SCN9A: variants seen among roughly 807,000 people sequenced by gnomAD.
SCN9A encodes sodium channel protein type 9 subunit alpha.
SCN9A carries 131 observed loss-of-function variants against 187.0 expected under a neutral mutation model. The observed-to-expected ratio is 0.70, with a 90% CI of 0.61 to 0.81. The LOEUF is 0.81. SCN9A is among the 30% of genes least tolerant of loss of function. The pLI is 0.00. For synonymous variants in SCN9A, 809 were observed against 808.6 expected (o/e 1.00, Z -0.01); for missense variants, 2,252 against 2,396.6 (o/e 0.94, Z 1.26).
intron 1 of SCN9A, among the ~76,000 whole-genome samples, chr2:166,315,362 A>C (rs1315197057): frequency 6.6e-6 from 1 of 152,116 alleles, no homozygotes; most frequent in Non-Finnish European, 1.5e-5. Flanking sequence ...CAATATTCCT[A>C]TTCTCCTCTG....
At chr2:166,262,445 T>C (rs1010514336) in intron 17 of SCN9A, among the ~76,000 whole-genome samples, 1 of 151,934 alleles carries the variant, frequency 6.6e-6, no homozygotes, top group African/African-American at 2.4e-5. Flanking sequence ...TCACACATTA[T>C]TACCAAGGTA....
At chr2:166,364,820 G>A (rs2105320859) in intron 1 of SCN9A, among the ~76,000 whole-genome samples, 1 of 152,162 alleles carries the variant, frequency 6.6e-6, no homozygotes. Context: ...GGTTAAAATG[G>A]TAAATTTTGT....
chr2:166,213,459 C>CAAG (rs1553476059), intron 24 of SCN9A, among the ~76,000 whole-genome samples: 5 of 140,958 alleles, frequency 3.5e-5, no homozygotes, highest in Non-Finnish European at 4.6e-5. Flanking sequence ...CAAATTGAAC[C>CAAG]AATAATAATA....
At chr2:166,201,087 A>G (rs1693488636) in intron 26 of SCN9A, among the ~76,000 whole-genome samples, 2 of 151,820 alleles carry the variant, frequency 1.3e-5, no homozygotes. Flanking sequence ...ACTGAAATGA[A>G]TATCTAAATA....
chr2:166,326,150 G>A (rs574218497), intron 1 of SCN9A, among the ~76,000 whole-genome samples: 1 of 152,042 alleles, frequency 6.6e-6, no homozygotes, highest in East Asian at 1.9e-4. Flanking sequence ...CCTGGCCTCC[G>A]ATTGAATAAG....
At chr2:166,358,329 C>T (rs1231815744) in intron 1 of SCN9A, among the ~76,000 whole-genome samples, 4 of 151,924 alleles carry the variant, frequency 2.6e-5, no homozygotes, top group African/African-American at 9.7e-5. Flanking sequence ...CTCAGCTTCC[C>T]AAAGTGCTGG....
intron 2 of SCN9A, 33 bp from the exon 3 acceptor site, chr2:166,307,107 A>G (rs771662229): frequency 8.1e-7 from 1 of 1,239,686 alleles, no homozygotes; most frequent in Non-Finnish European, 1.2e-6. Flanking sequence ...TGAAATTGAG[A>G]ATCCAAAATA....
intron 7 of SCN9A, among the ~76,000 whole-genome samples, chr2:166,299,136 C>G (rs913427336): frequency 3.9e-5 from 6 of 152,210 alleles, no homozygotes; most frequent in South Asian, 4.1e-4. Flanking sequence ...TTCTCCCTCT[C>G]TCTCCTGAAT....
At chr2:166,276,848 T>C in intron 16 of SCN9A, 135 bp downstream of exon 16, 2 of 710,886 alleles carry the variant, frequency 2.8e-6, no homozygotes, top group Non-Finnish European at 4.0e-6. Flanking sequence ...CTTTCTTGTA[T>C]TAAAATTATC....
Position 166,226,706 on chromosome 2 carries a change from T to A in SCN9A, c.4261-2A>T. The stretch of plus-strand genomic sequence containing the variant: ...TTCATATTTGGGCTGCTTGTCTACC[T>A]ATAAAATTTACAAAAGTTAGCATTA... On this transcript the variant is annotated splice_acceptor_variant, in intron 23 of 26. Coordinates refer to ENST00000642356, the MANE Select transcript of SCN9A (RefSeq NM_001365536.1). LOFTEE classifies it high-confidence loss of function. The A allele has an allele frequency of 6.4e-7, 1 of 1,552,338 alleles. No homozygotes were observed. The highest frequency in any genetic ancestry group is 8.7e-7 in the Non-Finnish European group (1 of 1,153,410).
intron 1 of SCN9A, among the ~76,000 whole-genome samples, chr2:166,323,867 T>A (rs187760599): frequency 8.5e-4 from 130 of 152,062 alleles, no homozygotes; most frequent in African/African-American, 2.9e-3. Context: ...TTAAACAGTA[T>A]GTTTCCTTTG....
At chr2:166,349,250 TA>T (rs1699976496) in intron 1 of SCN9A, among the ~76,000 whole-genome samples, 1 of 152,150 alleles carries the variant, frequency 6.6e-6, no homozygotes, top group Non-Finnish European at 1.5e-5. Flanking sequence ...CCCAATGGGG[TA>T]CATAGAAGGT....
chr2:166,270,762 GATATAT>G (rs60551465), intron 17 of SCN9A, among the ~76,000 whole-genome samples: 12,152 of 143,704 alleles, frequency 0.085, 565 homozygotes, highest in African/African-American at 0.13. Context: ...GCATTTTACT[GATATAT>G]ATATATATAT....
intron 1 of SCN9A, among the ~76,000 whole-genome samples, chr2:166,350,220 C>T (rs1027205548): frequency 1.3e-5 from 2 of 152,064 alleles, no homozygotes; most frequent in African/African-American, 4.8e-5. Context: ...GATAATTTAC[C>T]AGTAATTCAA....
At chr2:166,272,343 C>T (rs1456433652) in intron 17 of SCN9A, 56 bp downstream of exon 17, 6 of 1,094,092 alleles carry the variant, frequency 5.5e-6, no homozygotes, top group Non-Finnish European at 6.4e-6. Context: ...ATGAAATTTT[C>T]ATTCATTTCA....
rs1369311916 is a variant in SCN9A, at chr2:166,306,736, C to T, written c.378-137G>A. 35 of 716,208 alleles carry T rather than the reference C, an allele frequency of 4.9e-5. No individual in the cohort carries two copies. In the Admixed American group the frequency reaches 8.3e-4, roughly 17 times the overall value. 44.4% of individuals were successfully genotyped at this position (716,208 alleles called of 1,614,324 possible). A position where few individuals can be genotyped will look rare whatever the true frequency, so the allele number is the denominator to read the frequency against. On this transcript the variant is annotated intron_variant, in intron 3 of 26. Coordinates refer to ENST00000642356, the MANE Select transcript of SCN9A (RefSeq NM_001365536.1). The stretch of plus-strand genomic sequence containing the variant: ...TTGTAGACTATTTTGTCTCTTTGAA[C>T]AAGAGAGTAATAAATAAAAGTAACA...
At chr2:166,236,829 T>A (rs1259932543) in intron 20 of SCN9A, among the ~76,000 whole-genome samples, 1 of 152,222 alleles carries the variant, frequency 6.6e-6, no homozygotes, top group Non-Finnish European at 1.5e-5. Flanking sequence ...CTATGTATGA[T>A]CATGCTTACT....
Position 166,360,230 on chromosome 2 carries a change from AAAAAAG to A in SCN9A, c.-51+15461_-51+15466del, listed in dbSNP as rs1220179185. On this transcript the variant is annotated intron_variant, in intron 1 of 26. Coordinates refer to ENST00000642356, the MANE Select transcript of SCN9A (RefSeq NM_001365536.1). ...GCGAAACTCTGTCTCAAAAAAAAAA[AAAAAAG>A]AAAAAAAAAAAAAGAAATTAAAGTT... 1.4e-3 allele frequency among the ~76,000 whole-genome samples: 197 copies of A among 145,202 alleles called. 11 individuals carry two copies. Among genetic ancestry groups the A allele is most frequent in the African/African-American group, 3.4e-3 (130 of 38,370 alleles).
In SCN9A at chr2:166,356,748, G is replaced by A. The variant is rs529339341; in HGVS notation, c.-51+18949C>T. ...TAAACATTGTTTCATACCTTCCTTC[G>A]TCACTTAAAAATCAGACTTGGAAAT... is the stretch of plus-strand genomic sequence containing the variant. On this transcript the variant is annotated intron_variant, in intron 1 of 26. Coordinates refer to ENST00000642356, the MANE Select transcript of SCN9A (RefSeq NM_001365536.1). 2.2e-4 allele frequency among the ~76,000 whole-genome samples: 33 copies of A among 151,798 alleles called. No homozygotes were observed. In the South Asian group the frequency reaches 5.8e-3, roughly 27 times the overall value.
Sources: gnomAD v4.1 joint callset for allele counts (sites outside exome capture counted in the v4.1 genomes callset) on GRCh38, gnomAD v4.1.1 for gene constraint, MANE v1.5 for transcripts, NCBI Gene and HGNC (gene_info 2026-07-23, HGNC 2026-07-21) for gene names.